The following IMMP2L variants were observed in gnomAD, a reference collection of about 807,000 sequenced individuals.
IMMP2L encodes inner mitochondrial membrane peptidase subunit 2, also known as mitochondrial inner membrane protease subunit 2.
IMMP2L carries 18 observed loss-of-function variants against 19.3 expected under a neutral mutation model. The ratio of observed to expected loss-of-function variants is 0.93; its 90% CI spans 0.64 to 1.38. The LOEUF is 1.38. IMMP2L is among the 40% of genes most tolerant of loss of function. The pLI, the probability that IMMP2L is intolerant of heterozygous loss-of-function variation, is 0.00. For synonymous variants in IMMP2L, 76 were observed against 73.0 expected, an observed-to-expected ratio of 1.04 and a Z score of -0.21; for missense variants, 233 against 218.2, an observed-to-expected ratio of 1.07 and a Z score of -0.43.
chr7:111,334,228 A>G (rs1426860037), intron 3 of IMMP2L, among the ~76,000 whole-genome samples: 1 of 151,206 alleles, frequency 6.6e-6, no homozygotes, highest in Non-Finnish European at 1.5e-5. Flanking sequence ...CCCCTCTTCC[A>G]CTTCCCAGCC....
chr7:111,554,523 T>C (rs1791038256), intron 1 of IMMP2L, among the ~76,000 whole-genome samples: 1 of 152,136 alleles, frequency 6.6e-6, no homozygotes, highest in African/African-American at 2.4e-5. Flanking sequence ...ACCTTCAGGA[T>C]CACAAAAATA....
intron 3 of IMMP2L, among the ~76,000 whole-genome samples, chr7:111,253,822 A>G (rs1361627087): frequency 6.6e-6 from 1 of 152,178 alleles, no homozygotes; most frequent in Non-Finnish European, 1.5e-5. Flanking sequence ...AAGTAATGAA[A>G]GTAACTGAAG....
chr7:110,814,237 G>T (rs984911621), intron 5 of IMMP2L, among the ~76,000 whole-genome samples: 1 of 151,864 alleles, frequency 6.6e-6, no homozygotes, highest in Admixed American at 6.6e-5. Context: ...CACAGGAATG[G>T]TGTATAATGT....
At chr7:111,322,889 C>T (rs113553716) in intron 3 of IMMP2L, among the ~76,000 whole-genome samples, 54 of 151,742 alleles carry the variant, frequency 3.6e-4, no homozygotes, top group Middle Eastern at 3.4e-3. Context: ...TCAAAGCCTA[C>T]GTCTCCCAGC....
chr7:111,083,220 T>C (rs1289108928), intron 3 of IMMP2L, among the ~76,000 whole-genome samples: 3 of 152,158 alleles, frequency 2.0e-5, no homozygotes, highest in Non-Finnish European at 4.4e-5. Flanking sequence ...ATCTTAAATA[T>C]TGACTCTTAA....
chr7:111,342,379 G>T (rs1827103919), intron 3 of IMMP2L, among the ~76,000 whole-genome samples: 1 of 152,084 alleles, frequency 6.6e-6, no homozygotes, highest in South Asian at 2.1e-4. Context: ...AGATCAAGAG[G>T]TCAGGAGATC....
chr7:110,780,555 A>G (rs6978082), intron 5 of IMMP2L, among the ~76,000 whole-genome samples: 129,048 of 151,426 alleles, frequency 0.85, 55,621 homozygotes, highest in South Asian at 0.91. Flanking sequence ...AACTCTTCGA[A>G]CACACAACCC....
At chr7:110,837,506 C>T (rs1487055741) in intron 5 of IMMP2L, among the ~76,000 whole-genome samples, 1 of 152,042 alleles carries the variant, frequency 6.6e-6, no homozygotes, top group African/African-American at 2.4e-5. Flanking sequence ...GATTTTAACA[C>T]TTGCTACACA....
chr7:111,108,604 G>C (rs1354125919), intron 3 of IMMP2L, among the ~76,000 whole-genome samples: 1 of 152,060 alleles, frequency 6.6e-6, no homozygotes, highest in Non-Finnish European at 1.5e-5. Context: ...TGGCTTAGAA[G>C]AAATTTATGA....
At chr7:110,761,756 T>G (rs1337343029) in intron 5 of IMMP2L, among the ~76,000 whole-genome samples, 1 of 152,170 alleles carries the variant, frequency 6.6e-6, no homozygotes, top group Non-Finnish European at 1.5e-5. Flanking sequence ...TTAAAGAGTT[T>G]AAACAAACAC....
At chr7:110,734,048 G>A (rs957315418) in intron 5 of IMMP2L, among the ~76,000 whole-genome samples, 3 of 152,142 alleles carry the variant, frequency 2.0e-5, no homozygotes, top group Admixed American at 2.0e-4. Context: ...CCAGAAATGG[G>A]GTGCTGCTGC....
At chr7:110,669,585 G>C (rs1318318163) in intron 5 of IMMP2L, among the ~76,000 whole-genome samples, 3 of 152,186 alleles carry the variant, frequency 2.0e-5, no homozygotes, top group Admixed American at 2.0e-4. Context: ...TGCTTACTCA[G>C]TGTTACACTC....
intron 4 of IMMP2L, among the ~76,000 whole-genome samples, chr7:110,894,750 T>C (rs984783296): frequency 6.6e-6 from 1 of 152,192 alleles, no homozygotes; most frequent in African/African-American, 2.4e-5. Flanking sequence ...AAAATACATG[T>C]TTTTCATAAG....
chr7:111,547,951 G>A (rs1323876471), intron 1 of IMMP2L, among the ~76,000 whole-genome samples: 1 of 151,952 alleles, frequency 6.6e-6, no homozygotes, highest in Non-Finnish European at 1.5e-5. Flanking sequence ...CAAACTCCCA[G>A]ACTCAAGTGA....
chr7:110,799,420 T>C (rs147457541), intron 5 of IMMP2L, among the ~76,000 whole-genome samples: 118 of 152,174 alleles, frequency 7.8e-4, no homozygotes, highest in Admixed American at 3.7e-3. Flanking sequence ...TGTAGACTAA[T>C]TGACTGAGTA....
Position 111,278,518 on chromosome 7 carries a change from A to G in IMMP2L, c.239+208720T>C, listed in dbSNP as rs116855307. 6.0e-3 allele frequency among the ~76,000 whole-genome samples: 909 copies of G among 152,292 alleles called. 8 individuals are homozygous for G. The highest frequency in any genetic ancestry group is 0.027 in the Middle Eastern group (8 of 294). On this transcript the variant is annotated intron_variant, in intron 3 of 5. Coordinates refer to ENST00000405709, the MANE Select transcript of IMMP2L (RefSeq NM_032549.4). ...TCACCATTTAGAGATAACCATTGTC[A>G]ATGCTTCACTAAAACATCATTCCAG...
intron 3 of IMMP2L, among the ~76,000 whole-genome samples, chr7:111,422,295 C>G (rs1426440699): frequency 6.6e-6 from 1 of 151,810 alleles, no homozygotes; most frequent in Non-Finnish European, 1.5e-5. Flanking sequence ...GGCATTGAAT[C>G]AATAAATTAC....
At chr7:110,702,314 C>T (rs541967129) in intron 5 of IMMP2L, among the ~76,000 whole-genome samples, 20 of 152,180 alleles carry the variant, frequency 1.3e-4, no homozygotes, top group Non-Finnish European at 2.8e-4. Flanking sequence ...TATTTTGGCT[C>T]ATATATTATT....
chr7:110,704,385 C>T (rs1474868388), intron 5 of IMMP2L, among the ~76,000 whole-genome samples: 1 of 152,202 alleles, frequency 6.6e-6, no homozygotes, highest in Non-Finnish European at 1.5e-5. Context: ...ACTGTCACAC[C>T]TATTAAACAA....
Sources: gnomAD v4.1 joint callset for allele counts (sites outside exome capture counted in the v4.1 genomes callset) on GRCh38, gnomAD v4.1.1 for gene constraint, MANE v1.5 for transcripts, NCBI Gene and HGNC (gene_info 2026-07-23, HGNC 2026-07-21) for gene names.